Variants in ELMO1 observed in about 807,000 individuals in gnomAD.
ELMO1 encodes engulfment and cell motility 1, also known as engulfment and cell motility protein 1.
A neutral mutation model predicts 98.9 loss-of-function variants in ELMO1; 26 were observed. The ratio of observed to expected loss-of-function variants is 0.26; its 90% confidence interval spans 0.19 to 0.36. The LOEUF (loss-of-function observed/expected upper bound fraction) is 0.36, where lower values mean the gene tolerates loss of function less well. Ranked by LOEUF, ELMO1 falls within the 10% of genes least tolerant of loss-of-function variation. ELMO1 has a pLI of 1.00. For missense variants in ELMO1, 627 were observed against 935.2 expected (o/e 0.67, Z 4.30); for synonymous variants, 346 against 346.0 (o/e 1.00, Z 0.00).
At chr7:37,182,555 TTC>T (rs1315141112) in intron 13 of ELMO1, among the ~76,000 whole-genome samples, 1 of 150,646 alleles carries the variant, frequency 6.6e-6, no homozygotes, top group African/African-American at 2.4e-5. Flanking sequence ...CTCTCCTTCT[TTC>T]TCTCTTTCTC....
chr7:37,127,854 T>C (rs1235814473), intron 14 of ELMO1, among the ~76,000 whole-genome samples: 1 of 152,064 alleles, frequency 6.6e-6, no homozygotes, highest in Admixed American at 6.5e-5. Flanking sequence ...ACCAGGTAAT[T>C]TGGGTTTTTC....
intron 1 of ELMO1, among the ~76,000 whole-genome samples, chr7:37,384,506 G>C (rs1802710217): frequency 6.6e-6 from 1 of 152,052 alleles, no homozygotes; most frequent in Admixed American, 6.5e-5. Flanking sequence ...GGATCACGAG[G>C]TCAGGAGATC....
intron 16 of ELMO1, among the ~76,000 whole-genome samples, chr7:36,966,474 C>T (rs1300192593): frequency 1.3e-5 from 2 of 152,200 alleles, no homozygotes; most frequent in Admixed American, 1.3e-4. Context: ...TACTCCTTCT[C>T]GAAGCAGAAG....
intron 9 of ELMO1, among the ~76,000 whole-genome samples, chr7:37,223,902 C>T (rs147914015): frequency 1.8e-3 from 270 of 152,284 alleles, no homozygotes; most frequent in Middle Eastern, 6.8e-3. Context: ...GAACCATTCC[C>T]ACCCTGCACC....
intron 1 of ELMO1, among the ~76,000 whole-genome samples, chr7:37,363,924 C>T (rs17171009): frequency 1.3e-5 from 2 of 152,120 alleles, no homozygotes; most frequent in Non-Finnish European, 2.9e-5. Flanking sequence ...GAAAATCACA[C>T]CCTAGGCCTA....
intron 13 of ELMO1, among the ~76,000 whole-genome samples, chr7:37,151,799 T>C (rs1584725457): frequency 1.3e-5 from 2 of 152,294 alleles, no homozygotes; most frequent in African/African-American, 4.8e-5. Context: ...AAATGCATCG[T>C]GTGACACCCC....
intron 1 of ELMO1, among the ~76,000 whole-genome samples, chr7:37,440,635 G>C (rs1227601532): frequency 2.0e-5 from 3 of 151,938 alleles, no homozygotes; most frequent in Admixed American, 6.5e-5. Context: ...CAGGCATGGT[G>C]GTGGGCATCT....
intron 2 of ELMO1, among the ~76,000 whole-genome samples, chr7:37,320,998 G>A (rs1157220119): frequency 2.0e-5 from 3 of 152,162 alleles, no homozygotes; most frequent in Admixed American, 6.5e-5. Context: ...GCAATTCATG[G>A]CTTGGAAGAG....
intron 13 of ELMO1, chr7:37,197,109 C>T (rs957820324): frequency 6.6e-6 from 1 of 152,198 alleles, no homozygotes; most frequent in Non-Finnish European, 1.5e-5. Flanking sequence ...ACCCTTTTAA[C>T]CATGTTGTCC....
At chr7:37,103,162 A>G (rs1784733651) in intron 14 of ELMO1, among the ~76,000 whole-genome samples, 1 of 152,240 alleles carries the variant, frequency 6.6e-6, no homozygotes, top group Non-Finnish European at 1.5e-5. Flanking sequence ...CTATCACCAT[A>G]ATAATTACAT....
intron 15 of ELMO1, among the ~76,000 whole-genome samples, chr7:37,086,069 G>C (rs1783751688): frequency 6.6e-6 from 1 of 152,098 alleles, no homozygotes; most frequent in Non-Finnish European, 1.5e-5. Context: ...GATCTCTAAG[G>C]GCAAGCAGAG....
At chr7:37,394,003 T>C (rs1180453325) in intron 1 of ELMO1, 2 of 152,222 alleles carry the variant, frequency 1.3e-5, no homozygotes, top group African/African-American at 4.8e-5. Context: ...CACACAATTT[T>C]TCCATAGCTA....
At chr7:37,316,401 G>C (rs1317211485) in intron 2 of ELMO1, among the ~76,000 whole-genome samples, 1 of 152,158 alleles carries the variant, frequency 6.6e-6, no homozygotes, top group African/African-American at 2.4e-5. Context: ...AAGAACATGT[G>C]GCAAATGGAA....
intron 2 of ELMO1, among the ~76,000 whole-genome samples, chr7:37,321,716 C>CAAAAAAA (rs565421716): frequency 0.014 from 894 of 66,036 alleles, 117 homozygotes; most frequent in African/African-American, 0.063. Flanking sequence ...GACTCCGTCT[C>CAAAAAAA]AAAAAAAAAA....
chr7:36,914,914 T>C (rs902198795), intron 16 of ELMO1, among the ~76,000 whole-genome samples: 4 of 139,586 alleles, frequency 2.9e-5, no homozygotes, highest in African/African-American at 1.0e-4. Context: ...AATTCAGAAA[T>C]TCAAATTGTG....
chr7:36,873,581 A>G (rs1176549229), intron 19 of ELMO1, among the ~76,000 whole-genome samples: 1 of 152,208 alleles, frequency 6.6e-6, no homozygotes, highest in Non-Finnish European at 1.5e-5. Context: ...GAGGAAATCA[A>G]TTATGCAATG....
chr7:37,166,364 T>G (rs911934291), intron 13 of ELMO1, among the ~76,000 whole-genome samples: 23 of 152,292 alleles, frequency 1.5e-4, no homozygotes, highest in Admixed American at 1.1e-3. Context: ...TTTAGTTATT[T>G]CTTGCCTTCT....
At chr7:36,925,761 A>G (rs1785517860) in intron 16 of ELMO1, among the ~76,000 whole-genome samples, 1 of 152,210 alleles carries the variant, frequency 6.6e-6, no homozygotes, top group Admixed American at 6.5e-5. Context: ...CAGCCTGGCT[A>G]TTACCTCTGA....
Position 37,207,785 on chromosome 7 carries a change from TAC to T in ELMO1, c.1086+3599_1086+3600del, listed in dbSNP as rs1182987551. ...TGGTGAAACCCGTCTCTACTAAAAA[TAC>T]AAACATTAGCTGGGTGTGGTGGTGG... On this transcript the variant is annotated intron_variant, in intron 13 of 21. Transcript: ENST00000310758. Among the ~76,000 whole-genome samples, 3 of 151,492 alleles carry T rather than the reference TAC, an allele frequency of 2.0e-5. No homozygotes were observed. The East Asian group carries it at 5.9e-4, about 30-fold the overall frequency.
Sources: allele counts gnomAD v4.1 joint callset (sites outside exome capture counted in the v4.1 genomes callset), GRCh38; gene constraint gnomAD v4.1.1; transcripts MANE v1.5; gene names NCBI Gene and HGNC (gene_info 2026-07-23, HGNC 2026-07-21).